The following CDX1 variants were observed in gnomAD, a reference collection of about 807,000 sequenced individuals.
CDX1 encodes homeobox protein CDX-1.
CDX1 carries 9 observed loss-of-function variants against 16.9 expected under a neutral mutation model. The observed-to-expected ratio is 0.53, with a 90% CI of 0.32 to 0.93. CDX1 has a LOEUF of 0.93. Among genes scored for constraint, CDX1 ranks in the 40% least tolerant of loss-of-function variants. CDX1 has a pLI of 0.04. For synonymous variants in CDX1, 179 were observed against 179.0 expected, an observed-to-expected ratio of 1.00 and a Z score of 0.00; for missense variants, 393 against 386.1, an observed-to-expected ratio of 1.02 and a Z score of -0.15.
intron 1 of CDX1, among the ~76,000 whole-genome samples, chr5:150,178,558 C>A (rs1761599150): frequency 6.6e-6 from 1 of 152,198 alleles, no homozygotes; most frequent in Non-Finnish European, 1.5e-5. Flanking sequence ...TTCCCAGGCT[C>A]CAGAGGTATC....
chr5:150,183,480 A>G lies in CDX1; in HGVS notation c.598A>G (p.Ile200Val), dbSNP rs1228203897. Residue 200 changes from isoleucine to valine, a missense_variant, in exon 3 of 3, where the codon ATC becomes GTC. Physicochemically the swap from Ile to Val is conservative, Grantham distance 29. Transcript: ENST00000231656. ...NLGLTERQVK[I>V]WFQNRRAKER... ...CTGTCCTCCAACCCCACAGGTGAAG[A>G]TCTGGTTCCAAAACCGGCGGGCAAA... 1.2e-6 allele frequency: 2 copies of G among 1,602,818 alleles called. No individual in the cohort carries two copies.
intron 1 of CDX1, among the ~76,000 whole-genome samples, chr5:150,170,282 A>G (rs1761487470): frequency 6.6e-6 from 1 of 151,960 alleles, no homozygotes; most frequent in African/African-American, 2.4e-5. Context: ...TGGACTCCCC[A>G]CTACACCCAT....
chr5:150,177,452 A>G (rs1251262502), intron 1 of CDX1, among the ~76,000 whole-genome samples: 1 of 152,178 alleles, frequency 6.6e-6, no homozygotes, highest in Non-Finnish European at 1.5e-5. Flanking sequence ...TTGTCCATCT[A>G]TCTCAAGTGA....
At position 150,167,044 on chromosome 5, in the gene CDX1, GC is replaced by G; in HGVS notation, c.173del (p.Pro58ArgfsTer141). On this transcript the variant is annotated frameshift_variant, in exon 1 of 3. Coordinates refer to ENST00000231656, the MANE Select transcript of CDX1 (RefSeq NM_001804.3). LOFTEE classifies it high-confidence loss of function. ...SYSHVEPAPA[P>X]PTAWGAPFPA... ...ACTCTCACGTGGAGCCGGCCCCCGC[GC>G]CCCCGACGGCCTGGGGGGCGCCCTT... The G allele has an allele frequency of 2.8e-6, 4 of 1,428,348 alleles. No individual in the cohort carries two copies. The highest frequency in any genetic ancestry group is 3.1e-5 in the East Asian group (1 of 32,516). 88.5% of individuals were successfully genotyped at this position (1,428,348 alleles called of 1,614,324 possible). A position where few individuals can be genotyped will look rare whatever the true frequency, so the allele number is the denominator to read the frequency against.
At chr5:150,171,617 T>C (rs184944413) in intron 1 of CDX1, among the ~76,000 whole-genome samples, 33 of 152,360 alleles carry the variant, frequency 2.2e-4, no homozygotes, top group African/African-American at 7.7e-4. Flanking sequence ...ATTACAGGCG[T>C]GAGCCACCGT....
rs1029090178 is a variant in CDX1, at chr5:150,167,064, C to A, written c.188C>A (p.Ala63Glu). 3 of 1,421,266 alleles carry A rather than the reference C, an allele frequency of 2.1e-6. No individual in the cohort carries two copies. Among genetic ancestry groups the A allele is most frequent in the Non-Finnish European group, 2.7e-6 (3 of 1,093,250 alleles). The allele number at this position is 1,421,266 out of a possible 1,614,324, so 88.0% of individuals were successfully genotyped here. A position where few individuals can be genotyped will look rare whatever the true frequency, so the allele number is the denominator to read the frequency against. Reference sequence around the variant, plus strand: ...CCCGCGCCCCCGACGGCCTGGGGGGCGCCCTTCCCTGCGCCCAAGGACGAC... The same window carrying A: ...CCCGCGCCCCCGACGGCCTGGGGGGAGCCCTTCCCTGCGCCCAAGGACGAC... Reference protein sequence around the residue: ...PAPAPPTAWGAPFPAPKDDWA... With the variant: ...PAPAPPTAWGEPFPAPKDDWA... The change falls in exon 1 of 3, where the codon GCG (alanine) becomes GAG (glutamate). Residue 63 changes from alanine to glutamate, a missense_variant. Coordinates refer to ENST00000231656, the MANE Select transcript of CDX1 (RefSeq NM_001804.3).
intron 2 of CDX1, 34 bp from the exon 3 acceptor site, chr5:150,183,440 C>T: frequency 6.5e-7 from 1 of 1,543,476 alleles, no homozygotes; most frequent in Non-Finnish European, 8.8e-7. Flanking sequence ...TCTCTCCCTG[C>T]TGCCCACTCC....
At chr5:150,183,015 T>C in intron 2 of CDX1, 102 bp downstream of exon 2, 1 of 1,360,178 alleles carries the variant, frequency 7.4e-7, no homozygotes, top group Non-Finnish European at 9.9e-7. Context: ...AACAGAGAGG[T>C]TGAGTCTCCA....
chr5:150,169,434 C>T (rs1024898367), intron 1 of CDX1, among the ~76,000 whole-genome samples: 31 of 152,044 alleles, frequency 2.0e-4, no homozygotes, highest in African/African-American at 7.2e-4. Flanking sequence ...AAAGGGACTT[C>T]CCTGGAGCCA....
chr5:150,181,777 TCTCC>T (rs2113954669), intron 1 of CDX1, among the ~76,000 whole-genome samples: 1 of 152,280 alleles, frequency 6.6e-6, no homozygotes. Context: ...CTTTTCATCA[TCTCC>T]CTCCCCTAGA....
chr5:150,171,850 G>A (rs1761511643), intron 1 of CDX1, among the ~76,000 whole-genome samples: 1 of 152,200 alleles, frequency 6.6e-6, no homozygotes, highest in Non-Finnish European at 1.5e-5. Context: ...ATCATTTCTC[G>A]GAGCCTGGGC....
chr5:150,176,729 T>C (rs1292800288), intron 1 of CDX1, among the ~76,000 whole-genome samples: 5 of 152,184 alleles, frequency 3.3e-5, no homozygotes, highest in African/African-American at 1.2e-4. Flanking sequence ...ACAGATGGCA[T>C]GGAACTGGGA....
chr5:150,173,104 GGC>G (rs1761527999), intron 1 of CDX1, among the ~76,000 whole-genome samples: 1 of 152,170 alleles, frequency 6.6e-6, no homozygotes, highest in African/African-American at 2.4e-5. Context: ...GAGCAAGCTA[GGC>G]TCCACACCCT....
chr5:150,166,813 T>C lies in CDX1; in HGVS notation c.-64T>C. On this transcript the variant is annotated 5_prime_UTR_variant, in exon 1 of 3. Transcript: ENST00000231656. ...CCGAGTTCAGGTGAGCGGTTGCTCGTCGTCGGGGCGGCCGGCAGCGGCGGC... is the reference window on the plus strand; with the variant it reads ...CCGAGTTCAGGTGAGCGGTTGCTCGCCGTCGGGGCGGCCGGCAGCGGCGGC... 8.2e-7 allele frequency: 1 copy of C among 1,215,856 alleles called. No homozygotes were observed. The highest frequency in any genetic ancestry group is 3.2e-5 in the East Asian group (1 of 31,178). The allele number at this position is 1,215,856 out of a possible 1,614,324, so 75.3% of individuals were successfully genotyped here. A position where few individuals can be genotyped will look rare whatever the true frequency, so the allele number is the denominator to read the frequency against.
chr5:150,174,699 A>G (rs1381589086), intron 1 of CDX1, among the ~76,000 whole-genome samples: 1 of 151,758 alleles, frequency 6.6e-6, no homozygotes, highest in East Asian at 1.9e-4. Context: ...GTGCAGAAAA[A>G]TCTCTCTCAA....
At chr5:150,170,743 G>A (rs1369688813) in intron 1 of CDX1, among the ~76,000 whole-genome samples, 1 of 152,180 alleles carries the variant, frequency 6.6e-6, no homozygotes, top group African/African-American at 2.4e-5. Context: ...TGGGAAAGAT[G>A]AGAGAGAGGC....
Position 150,167,168 on chromosome 5 carries a change from T to C in CDX1, c.292T>C (p.Phe98Leu). The C allele has an allele frequency of 7.8e-7, 1 of 1,282,028 alleles. No homozygotes were observed. The allele number at this position is 1,282,028 out of a possible 1,614,324, so 79.4% of individuals were successfully genotyped here. ...ASLAFGPPPD[F>L]SPVPAPPGPG... ...GCTGGCATTCGGGCCCCCTCCAGAC[T>C]TTAGCCCGGTGCCGGCGCCCCCTGG... Residue 98 changes from phenylalanine to leucine, a missense_variant, in exon 1 of 3, where the codon TTT (phenylalanine) becomes CTT (leucine). Phe to Leu is a conservative substitution (Grantham distance 22, BLOSUM62 0). Transcript: ENST00000231656.
chr5:150,167,017 C>G lies in CDX1; in HGVS notation c.141C>G (p.Ser47Arg). 1 of 1,439,294 alleles carries G rather than the reference C, an allele frequency of 6.9e-7. No homozygotes were observed. The highest frequency in any genetic ancestry group is 9.1e-7 in the Non-Finnish European group (1 of 1,101,350). 89.2% of individuals were successfully genotyped at this position (1,439,294 alleles called of 1,614,324 possible). ...CCCCGCAGTACCCCGACTTCTCCAG[C>G]TACTCTCACGTGGAGCCGGCCCCCG... ...PAPPQYPDFS[S>R]YSHVEPAPAP... Residue 47 changes from serine to arginine, a missense_variant, in exon 1 of 3, where the codon AGC (serine) becomes AGG (arginine). Transcript: ENST00000231656.
chr5:150,178,179 G>A (rs774602090), intron 1 of CDX1, among the ~76,000 whole-genome samples: 24 of 152,302 alleles, frequency 1.6e-4, no homozygotes, highest in East Asian at 1.2e-3. Flanking sequence ...GGCCTGTACC[G>A]TGCATGCATT....
Sources: allele counts gnomAD v4.1 joint callset (sites outside exome capture counted in the v4.1 genomes callset), GRCh38; gene constraint gnomAD v4.1.1; transcripts MANE v1.5; gene names NCBI Gene and HGNC (gene_info 2026-07-23, HGNC 2026-07-21).